Variants in BACE1 observed in about 807,000 individuals in gnomAD.
The protein encoded by BACE1 is APP beta-secretase.
Under a neutral mutation model 54.0 loss-of-function variants are expected in BACE1, and 21 were observed. The observed-to-expected ratio is 0.39, with a 90% CI of 0.28 to 0.56. The LOEUF is 0.56. BACE1 is among the 20% of genes least tolerant of loss of function. The pLI, the probability that BACE1 is intolerant of heterozygous loss-of-function variation, is 0.63. For missense variants in BACE1, 511 were observed against 661.2 expected, an observed-to-expected ratio of 0.77 and a Z score of 2.49; for synonymous variants, 232 against 260.9, an observed-to-expected ratio of 0.89 and a Z score of 1.07.
At chr11:117,303,550 G>C (rs1214316228) in intron 1 of BACE1, among the ~76,000 whole-genome samples, 1 of 152,228 alleles carries the variant, frequency 6.6e-6, no homozygotes, top group African/African-American at 2.4e-5. Flanking sequence ...GCTCTCACCA[G>C]CAGACAGCGA....
At chr11:117,290,398 A>G in intron 8 of BACE1, 90 bp downstream of exon 8, 3 of 1,497,166 alleles carry the variant, frequency 2.0e-6, no homozygotes, top group South Asian at 2.7e-5. Context: ...ACCCTCCCCT[A>G]AACTGACAGG....
chr11:117,299,771 T>C, intron 1 of BACE1: 2 of 289,302 alleles, frequency 6.9e-6, no homozygotes, highest in South Asian at 5.3e-5. Context: ...GGTTAATGAT[T>C]AAGAAGGCTT....
chr11:117,312,796 G>A (rs944088159), intron 1 of BACE1, among the ~76,000 whole-genome samples: 1 of 152,144 alleles, frequency 6.6e-6, no homozygotes, highest in Non-Finnish European at 1.5e-5. Context: ...CACAAACTAC[G>A]GGGCCCCACT....
intron 2 of BACE1, among the ~76,000 whole-genome samples, chr11:117,296,462 G>T (rs1297808076): frequency 6.6e-6 from 1 of 152,136 alleles, no homozygotes; most frequent in African/African-American, 2.4e-5. Context: ...CACAGCAAGG[G>T]GAGCCGTCAC....
In BACE1 at chr11:117,310,614, T is replaced by C. The variant is rs2034924182; in HGVS notation, c.261+4921A>G. ...TTTTGTATTTTTAGTAGAGACAGGGTTTCACCATATTGGTCAGGCTGGTCT... is the reference window on the plus strand; with the variant it reads ...TTTTGTATTTTTAGTAGAGACAGGGCTTCACCATATTGGTCAGGCTGGTCT... On this transcript the variant is annotated intron_variant, in intron 1 of 8. Transcript: ENST00000313005. Among the ~76,000 whole-genome samples, 3 of 151,990 alleles carry C rather than the reference T, an allele frequency of 2.0e-5. No individual in the cohort carries two copies. The South Asian group carries it at 6.2e-4, about 32-fold the overall frequency.
Position 117,290,673 on chromosome 11 carries a change from A to G in BACE1, c.1093-14T>C, listed in dbSNP as rs2034399333. The G allele has an allele frequency of 8.7e-6, 14 of 1,613,070 alleles. No homozygotes were observed. Among genetic ancestry groups the G allele is most frequent in the Non-Finnish European group, 1.1e-5 (13 of 1,179,672 alleles). ...CCGCAGGTATTGCTAGGGGTAAGCA[A>G]TCACAGGGTGAGTGTCTTCCTCACT... On this transcript the variant is annotated splice_polypyrimidine_tract_variant and intron_variant, in intron 7 of 8. Coordinates refer to ENST00000313005, the MANE Select transcript of BACE1 (RefSeq NM_012104.6).
chr11:117,289,206 CAGTACTTCT>C lies in BACE1; in HGVS notation c.*351_*359del. On this transcript the variant is annotated 3_prime_UTR_variant, in exon 9 of 9. Transcript: ENST00000313005. Reference sequence around the variant, plus strand: ...CGCCAAGGTAACCTGCGTGTGATGCCAGTACTTCTGAAACTAAGAAAAGAAGAATACTTT... The same window carrying C: ...CGCCAAGGTAACCTGCGTGTGATGCCGAAACTAAGAAAAGAAGAATACTTT... 6 of 249,318 alleles carry C rather than the reference CAGTACTTCT, an allele frequency of 2.4e-5. No individual in the cohort carries two copies. The highest frequency in any genetic ancestry group is 4.0e-5 in the Non-Finnish European group (5 of 125,470). The allele number at this position is 249,318 out of a possible 1,614,324, so 15.4% of individuals were successfully genotyped here.
At position 117,292,981 on chromosome 11, in the gene BACE1, G is replaced by C. The variant is rs2034489138; in HGVS notation, c.840+73C>G. ...TACCTCTGCCTCATCCTCCCAACATGATAACCAGAGTCTTCCTTCACATTG... is the reference window on the plus strand; with the variant it reads ...TACCTCTGCCTCATCCTCCCAACATCATAACCAGAGTCTTCCTTCACATTG... On this transcript the variant is annotated intron_variant, in intron 5 of 8. Coordinates refer to ENST00000313005, the MANE Select transcript of BACE1 (RefSeq NM_012104.6). 3 of 1,552,748 alleles carry C rather than the reference G, an allele frequency of 1.9e-6. No homozygotes were observed. The Admixed American group carries it at 5.4e-5, about 28-fold the overall frequency.
Position 117,316,012 on chromosome 11 carries a change from G to A in BACE1, c.-217C>T. 1 of 426,554 alleles carries A rather than the reference G, an allele frequency of 2.3e-6. No homozygotes were observed. Among genetic ancestry groups the A allele is most frequent in the East Asian group, 3.6e-5 (1 of 28,072 alleles). The allele number at this position is 426,554 out of a possible 1,614,324, so 26.4% of individuals were successfully genotyped here. On this transcript the variant is annotated 5_prime_UTR_variant, in exon 1 of 9. Transcript: ENST00000313005. Reference sequence around the variant, plus strand: ...AGAGCACGGGAGCAGGGGAGAGGCTGGGATCCGGAGCCCGCTACATCGGCA... The same window carrying A: ...AGAGCACGGGAGCAGGGGAGAGGCTAGGATCCGGAGCCCGCTACATCGGCA...
At chr11:117,291,172 G>A in intron 6 of BACE1, 123 bp from the exon 7 acceptor site, 2 of 1,200,148 alleles carry the variant, frequency 1.7e-6, no homozygotes, top group Admixed American at 4.7e-5. Context: ...AAAGTGGGGA[G>A]GGGTAAACCA....
chr11:117,289,152 C>T lies in BACE1; in HGVS notation c.*414G>A, dbSNP rs973385145. The T allele has an allele frequency of 2.8e-4, 55 of 194,926 alleles. 1 individual carries two copies. The highest frequency in any genetic ancestry group is 1.3e-3 in the African/African-American group (55 of 43,784). 12.1% of individuals were successfully genotyped at this position (194,926 alleles called of 1,614,324 possible). On this transcript the variant is annotated 3_prime_UTR_variant, in exon 9 of 9. Transcript: ENST00000313005. ...GCCAGCAGGGAAACAAGCTTGGTCT[C>T]TTCTCTGCCAGGGTACCACAGGGAC...
At chr11:117,291,839 A>G (rs749128675) in intron 5 of BACE1, 26 bp from the exon 6 acceptor site, 1 of 1,568,344 alleles carries the variant, frequency 6.4e-7, no homozygotes, top group Non-Finnish European at 8.8e-7. Flanking sequence ...GAGAGTTAAA[A>G]GAGTCAAAAG....
chr11:117,315,463 T>C lies in BACE1; in HGVS notation c.261+72A>G. 6.5e-7 allele frequency: 1 copy of C among 1,530,716 alleles called. No individual in the cohort carries two copies. The highest frequency in any genetic ancestry group is 1.3e-5 in the South Asian group (1 of 79,498). 94.8% of individuals were successfully genotyped at this position (1,530,716 alleles called of 1,614,324 possible). The stretch of plus-strand genomic sequence containing the variant: ...CCAGCCCATTTGAGCAGGGGCTAGC[T>C]TGAGGCATCCCCATCCTGTCTCCCC... On this transcript the variant is annotated intron_variant, in intron 1 of 8. Transcript: ENST00000313005. This position sits in a 1 kb window ranked among gnomAD's most constrained non-coding sequence, Gnocchi z 5.5.
chr11:117,293,267 A>G lies in BACE1; in HGVS notation c.706-79T>C. 6.6e-7 allele frequency: 1 copy of G among 1,504,776 alleles called. No individual in the cohort carries two copies. Among genetic ancestry groups the G allele is most frequent in the Non-Finnish European group, 9.0e-7 (1 of 1,112,976 alleles). The allele number at this position is 1,504,776 out of a possible 1,614,324, so 93.2% of individuals were successfully genotyped here. On this transcript the variant is annotated intron_variant, in intron 4 of 8. Transcript: ENST00000313005. The surrounding 1 kb of genome is among the most constrained non-coding windows in gnomAD (Gnocchi z 4.1). Reference sequence around the variant, plus strand: ...CCCCCAAGGACCAAGCAATAAGATCAGTGATTTCTTGGGGTGGCAAGGTCT... The same window carrying G: ...CCCCCAAGGACCAAGCAATAAGATCGGTGATTTCTTGGGGTGGCAAGGTCT...
intron 1 of BACE1, among the ~76,000 whole-genome samples, chr11:117,302,471 C>A (rs2034746478): frequency 6.6e-6 from 1 of 152,250 alleles, no homozygotes; most frequent in Non-Finnish European, 1.5e-5. Flanking sequence ...ATCAGCTTCA[C>A]TCTGCCTGGA....
chr11:117,294,736 T>A (rs2034552281), intron 3 of BACE1, among the ~76,000 whole-genome samples: 1 of 151,378 alleles, frequency 6.6e-6, no homozygotes, highest in Non-Finnish European at 1.5e-5. Flanking sequence ...ATAGAAAAAA[T>A]TAGCCGGGCG....
Position 117,315,347 on chromosome 11 carries a change from G to A in BACE1, c.261+188C>T, listed in dbSNP as rs780365247. 7.2e-4 allele frequency among the ~76,000 whole-genome samples: 110 copies of A among 152,176 alleles called. No homozygotes were observed. Among genetic ancestry groups the A allele is most frequent in the Non-Finnish European group, 1.2e-3 (82 of 68,028 alleles). On this transcript the variant is annotated intron_variant, in intron 1 of 8. Coordinates refer to ENST00000313005, the MANE Select transcript of BACE1 (RefSeq NM_012104.6). The surrounding 1 kb of genome is among the most constrained non-coding windows in gnomAD (Gnocchi z 5.5). ...GGGGAACTAGGCAGCCAGGGGAGAC[G>A]AGGAGGGAATGGGGAGCTTGGGAAC... is the stretch of plus-strand genomic sequence containing the variant.
In BACE1 at chr11:117,315,820, C is replaced by G; in HGVS notation, c.-25G>C. The G allele has an allele frequency of 1.4e-6, 2 of 1,390,306 alleles. No individual in the cohort carries two copies. The highest frequency in any genetic ancestry group is 1.8e-6 in the Non-Finnish European group (2 of 1,081,704). 86.1% of individuals were successfully genotyped at this position (1,390,306 alleles called of 1,614,324 possible). Reference sequence around the variant, plus strand: ...TGGTGGGCCCCGGCCTTCGGGCCCTCTGGGCTCGCACTGGCCCACGTCCGT... The same window carrying G: ...TGGTGGGCCCCGGCCTTCGGGCCCTGTGGGCTCGCACTGGCCCACGTCCGT... On this transcript the variant is annotated 5_prime_UTR_variant, in exon 1 of 9. Coordinates refer to ENST00000313005, the MANE Select transcript of BACE1 (RefSeq NM_012104.6). This position sits in a 1 kb window ranked among gnomAD's most constrained non-coding sequence, Gnocchi z 5.5.
intron 3 of BACE1, 98 bp from the exon 4 acceptor site, chr11:117,294,106 G>A: frequency 1.4e-6 from 2 of 1,410,798 alleles, no homozygotes; most frequent in Non-Finnish European, 1.9e-6. Flanking sequence ...AGGCTTGGGG[G>A]ATGCTCCTTG....
Sources: gnomAD v4.1 joint callset for allele counts (sites outside exome capture counted in the v4.1 genomes callset) on GRCh38, gnomAD v4.1.1 for gene constraint, Gnocchi (gnomAD v3.1) non-coding constraint, MANE v1.5 for transcripts, NCBI Gene and HGNC (gene_info 2026-07-23, HGNC 2026-07-21) for gene names.